The following MICALL1 variants were observed in gnomAD, a reference collection of about 807,000 sequenced individuals.
The protein encoded by MICALL1 is MICAL-like protein 1.
MICALL1 carries 61 observed loss-of-function variants against 83.7 expected under a neutral mutation model. The observed-to-expected ratio is 0.73, with a 90% confidence interval of 0.59 to 0.90. MICALL1 has a LOEUF of 0.90. Ranked by LOEUF, MICALL1 falls within the 40% of genes least tolerant of loss-of-function variation. MICALL1 has a pLI of 0.00. For synonymous variants in MICALL1, 481 were observed against 473.6 expected (o/e 1.02, Z -0.20); for missense variants, 1,066 against 1,152.0 (o/e 0.93, Z 1.08).
chr22:37,921,962 C>T lies in MICALL1; in HGVS notation c.570-10C>T, dbSNP rs763571165. On this transcript the variant is annotated splice_polypyrimidine_tract_variant and intron_variant, in intron 5 of 15. Coordinates refer to ENST00000215957, the MANE Select transcript of MICALL1 (RefSeq NM_033386.4). ...CTGGCTAAGTGAACCCCTGTCCTGT[C>T]CCCTGCCAGGTGTCGGCGGTGCTCC... 2 of 1,555,058 alleles carry T rather than the reference C, an allele frequency of 1.3e-6. No individual in the cohort carries two copies. The highest frequency in any genetic ancestry group is 1.7e-6 in the Non-Finnish European group (2 of 1,147,616).
rs1929841615 is a variant in MICALL1 at position 37,932,464 on chromosome 22, C to G, written c.2017-89C>G. ...GGGGGACAGGGCCCGGGCCCTGGAG[C>G]CACCAGTGGCCAATGCTGGCCAGAG... On this transcript the variant is annotated intron_variant, in intron 10 of 15. Coordinates refer to ENST00000215957, the MANE Select transcript of MICALL1 (RefSeq NM_033386.4). The surrounding 1 kb of genome is among the most constrained non-coding windows in gnomAD (Gnocchi z 4.4). 1.3e-6 allele frequency: 2 copies of G among 1,557,706 alleles called. No individual in the cohort carries two copies. Among genetic ancestry groups the G allele is most frequent in the East Asian group, 4.5e-5 (2 of 44,250 alleles).
chr22:37,920,862 C>G (rs1444932507), intron 5 of MICALL1, among the ~76,000 whole-genome samples: 4 of 151,660 alleles, frequency 2.6e-5, no homozygotes. Flanking sequence ...GGAGGCAGAG[C>G]TTGCAGTGAG....
At position 37,940,815 on chromosome 22, in the gene MICALL1, C is replaced by A; in HGVS notation, c.2577C>A (p.Pro859=). ...AACGTGATGCCAAGAGCAAGTCCCC[C>A]AGAGACAAGAGCTAACAGCACGAGA... is the stretch of plus-strand genomic sequence containing the variant. ...GNKRDAKSKS[P]RDKS Residue 859 remains proline (P), a synonymous_variant, in exon 16 of 16, where the codon CCC becomes CCA. Coordinates refer to ENST00000215957, the MANE Select transcript of MICALL1 (RefSeq NM_033386.4). 6.2e-7 allele frequency: 1 copy of A among 1,614,020 alleles called. No homozygotes were observed. Among genetic ancestry groups the A allele is most frequent in the African/African-American group, 1.3e-5 (1 of 75,046 alleles).
At chr22:37,919,559 C>T (rs1219182643) in intron 5 of MICALL1, among the ~76,000 whole-genome samples, 1 of 147,244 alleles carries the variant, frequency 6.8e-6, no homozygotes, top group Non-Finnish European at 1.5e-5. Context: ...TCGCTCAAAC[C>T]CGGGAGGCAG....
intron 9 of MICALL1, among the ~76,000 whole-genome samples, chr22:37,928,826 A>G (rs1350107738): frequency 1.3e-5 from 2 of 152,154 alleles, no homozygotes; most frequent in Non-Finnish European, 2.9e-5. Context: ...GCAGAGTTGT[A>G]TTAAAACCCT....
intron 13 of MICALL1, among the ~76,000 whole-genome samples, chr22:37,933,904 A>C (rs1929939289): frequency 1.3e-5 from 2 of 152,198 alleles, no homozygotes; most frequent in South Asian, 4.1e-4. Context: ...CTGTCCCTGC[A>C]CACACAGCCC....
In MICALL1 at chr22:37,920,350, G is replaced by A. The variant is rs557133230; in HGVS notation, c.569+1172G>A. ...ATCTGGTTGAGTGTGCCCCTGAGTG[G>A]GGGGCAGCTGGTGCTGGAACCCTGG... is the stretch of plus-strand genomic sequence containing the variant. On this transcript the variant is annotated intron_variant, in intron 5 of 15. Coordinates refer to ENST00000215957, the MANE Select transcript of MICALL1 (RefSeq NM_033386.4). 4.6e-5 allele frequency among the ~76,000 whole-genome samples: 7 copies of A among 152,200 alleles called. 1 individual carries two copies. In the South Asian group the frequency reaches 1.5e-3, roughly 32 times the overall value.
rs1929820842 is a variant in MICALL1 at position 37,932,079 on chromosome 22, A to C, written c.2016+146A>C. 2.4e-6 allele frequency: 3 copies of C among 1,237,566 alleles called. No individual in the cohort carries two copies. In the Admixed American group the frequency reaches 8.1e-5, roughly 33 times the overall value. 76.7% of individuals were successfully genotyped at this position (1,237,566 alleles called of 1,614,324 possible). On this transcript the variant is annotated intron_variant, in intron 10 of 15. Transcript: ENST00000215957. This position sits in a 1 kb window ranked among gnomAD's most constrained non-coding sequence, Gnocchi z 4.4. ...TCAAGAGAGCACTCTTGGCGGCCCA[A>C]CTGGAAGGTCTAGCTTGCAGCCTGG... is the stretch of plus-strand genomic sequence containing the variant.
chr22:37,920,340 C>T (rs746094076), intron 5 of MICALL1, among the ~76,000 whole-genome samples: 1 of 152,026 alleles, frequency 6.6e-6, no homozygotes, highest in South Asian at 2.1e-4. Flanking sequence ...GTTGAGTGTG[C>T]CCCTGAGTGG....
chr22:37,925,850 T>G lies in MICALL1; in HGVS notation c.1272T>G (p.Tyr424Ter), dbSNP rs1189764373. The G allele has an allele frequency of 6.2e-7, 1 of 1,613,626 alleles. No homozygotes were observed. Residue 424 changes from tyrosine to a stop codon, truncating the protein, a stop_gained, in exon 8 of 16, where the codon TAT (tyrosine) becomes TAG (stop). Coordinates refer to ENST00000215957, the MANE Select transcript of MICALL1 (RefSeq NM_033386.4). LOFTEE classifies it high-confidence loss of function. ...CGGCCAGCCTGGAGTCCAAACCCTATAACCCCTTTGAGGAGGAGGAGGAGG... is the reference window on the plus strand; with the variant it reads ...CGGCCAGCCTGGAGTCCAAACCCTAGAACCCCTTTGAGGAGGAGGAGGAGG... ...SPTASLESKP[Y>*]NPFEEEEEDK...
intron 15 of MICALL1, among the ~76,000 whole-genome samples, chr22:37,938,939 A>G (rs1404121809): frequency 1.3e-5 from 2 of 152,090 alleles, no homozygotes; most frequent in African/African-American, 2.4e-5. Flanking sequence ...TATTTTTAGT[A>G]GAAACGGGGT....
intron 1 of MICALL1, among the ~76,000 whole-genome samples, chr22:37,907,875 G>A (rs1057220390): frequency 6.6e-6 from 1 of 152,234 alleles, no homozygotes; most frequent in African/African-American, 2.4e-5. Flanking sequence ...GAAGCACAAG[G>A]TTGATGCCTG....
intron 5 of MICALL1, among the ~76,000 whole-genome samples, chr22:37,919,808 G>T (rs1400729921): frequency 1.3e-5 from 2 of 151,936 alleles, no homozygotes; most frequent in Non-Finnish European, 2.9e-5. Context: ...GATCAACGTG[G>T]TGAAACCTCA....
Position 37,927,486 on chromosome 22 carries a change from TGTC to T in MICALL1, c.1545_1547del (p.Ser516del). 5 of 1,611,956 alleles carry T rather than the reference TGTC, an allele frequency of 3.1e-6. No individual in the cohort carries two copies. The highest frequency in any genetic ancestry group is 4.2e-6 in the Non-Finnish European group (5 of 1,178,448). On this transcript the variant is annotated inframe_deletion, in exon 9 of 16. Coordinates refer to ENST00000215957, the MANE Select transcript of MICALL1 (RefSeq NM_033386.4). Reference sequence around the variant, plus strand: ...TCGCCAGCGCTCAGCGTGGAGAGCCTGTCGTCTGAGAGCGCCAGCCAGACTGCA... The same window carrying T: ...TCGCCAGCGCTCAGCGTGGAGAGCCTGTCTGAGAGCGCCAGCCAGACTGCA...
intron 4 of MICALL1, among the ~76,000 whole-genome samples, chr22:37,918,494 G>A (rs1928817131): frequency 6.6e-6 from 1 of 152,208 alleles, no homozygotes; most frequent in Non-Finnish European, 1.5e-5. Context: ...AGGCTGGCAG[G>A]GGTTATACAG....
At chr22:37,934,887 C>T (rs1052926951) in intron 13 of MICALL1, among the ~76,000 whole-genome samples, 26 of 149,774 alleles carry the variant, frequency 1.7e-4, no homozygotes, top group Non-Finnish European at 2.4e-4. Flanking sequence ...TGAGCCACTG[C>T]GCCTGGCTCT....
At chr22:37,913,026 G>A (rs1379509939) in intron 3 of MICALL1, among the ~76,000 whole-genome samples, 1 of 149,932 alleles carries the variant, frequency 6.7e-6, no homozygotes, top group Admixed American at 6.7e-5. Flanking sequence ...GCAATGGCAC[G>A]ATCTTGTCTC....
chr22:37,906,392 C>A lies in MICALL1; in HGVS notation c.-31C>A, dbSNP rs1927940054. On this transcript the variant is annotated 5_prime_UTR_variant, in exon 1 of 16. Coordinates refer to ENST00000215957, the MANE Select transcript of MICALL1 (RefSeq NM_033386.4). This position sits in a 1 kb window ranked among gnomAD's most constrained non-coding sequence, Gnocchi z 4.4. ...TCCCGGCCAAGCCGGGGCCCCGAAG[C>A]CAGAGCCGGAGCCGGGCGGGCCGCG... 1.8e-6 allele frequency: 2 copies of A among 1,082,678 alleles called. No homozygotes were observed. The highest frequency in any genetic ancestry group is 2.2e-6 in the Non-Finnish European group (2 of 893,188). The allele number at this position is 1,082,678 out of a possible 1,614,324, so 67.1% of individuals were successfully genotyped here. A position where few individuals can be genotyped will look rare whatever the true frequency, so the allele number is the denominator to read the frequency against.
In MICALL1 at chr22:37,912,587, G is replaced by C. The variant is rs569277658; in HGVS notation, c.337+95G>C. The C allele has an allele frequency of 4.1e-6, 5 of 1,228,180 alleles. No individual in the cohort carries two copies. In the African/African-American group the frequency reaches 7.6e-5, roughly 19 times the overall value. The allele number at this position is 1,228,180 out of a possible 1,614,324, so 76.1% of individuals were successfully genotyped here. On this transcript the variant is annotated intron_variant, in intron 3 of 15. Transcript: ENST00000215957. ...TACTGGTTTTCTGAGTTGTAAACAGGCTGCTGAGGAGTGTGTCATTCATTT... is the reference window on the plus strand; with the variant it reads ...TACTGGTTTTCTGAGTTGTAAACAGCCTGCTGAGGAGTGTGTCATTCATTT...
Sources: allele counts gnomAD v4.1 joint callset (sites outside exome capture counted in the v4.1 genomes callset), GRCh38; gene constraint gnomAD v4.1.1; non-coding constraint Gnocchi (gnomAD v3.1); transcripts MANE v1.5; gene names NCBI Gene and HGNC (gene_info 2026-07-23, HGNC 2026-07-21).